Variants in DOCK1 observed in about 807,000 individuals in gnomAD.
The protein encoded by DOCK1 is dedicator of cytokinesis 1.
In DOCK1, 138 loss-of-function variants were observed where a neutral mutation model predicts 262.7. That is an observed-to-expected ratio of 0.53 (90% CI 0.46 to 0.61). The LOEUF is 0.61. Ranked by LOEUF, DOCK1 falls within the 20% of genes least tolerant of loss-of-function variation. The probability of loss-of-function intolerance (pLI) is 0.00; values close to 1 mark genes in which losing one functional copy is unlikely to be tolerated. For missense variants in DOCK1, 1,908 were observed against 2,370.7 expected (o/e 0.80, Z 4.05); for synonymous variants, 866 against 867.4 (o/e 1.00, Z 0.03).
At chr10:127,215,878 G>A (rs1212394818) in intron 27 of DOCK1, among the ~76,000 whole-genome samples, 2 of 147,898 alleles carry the variant, frequency 1.4e-5, no homozygotes, top group Non-Finnish European at 3.0e-5. Flanking sequence ...AATAATCCCT[G>A]CAGTGAAACA....
At chr10:127,080,377 C>A (rs2136004400) in intron 23 of DOCK1, among the ~76,000 whole-genome samples, 1 of 152,230 alleles carries the variant, frequency 6.6e-6, no homozygotes, top group South Asian at 2.1e-4. Flanking sequence ...GGAAATTTAT[C>A]ATTCTTCAGA....
At chr10:126,964,499 T>C (rs960935639) in intron 1 of DOCK1, among the ~76,000 whole-genome samples, 1 of 152,222 alleles carries the variant, frequency 6.6e-6, no homozygotes, top group African/African-American at 2.4e-5. Context: ...GGACGTGGCC[T>C]TTGTTTTCCC....
chr10:127,174,314 G>T (rs1441183571), intron 27 of DOCK1, among the ~76,000 whole-genome samples: 1 of 152,168 alleles, frequency 6.6e-6, no homozygotes, highest in Non-Finnish European at 1.5e-5. Flanking sequence ...ATGGGCAAGA[G>T]AGGTCTCGGC....
chr10:127,406,091 G>A (rs180957760), intron 40 of DOCK1, among the ~76,000 whole-genome samples: 263 of 152,260 alleles, frequency 1.7e-3, no homozygotes, highest in Non-Finnish European at 2.7e-3. Flanking sequence ...TTAGGAAAGG[G>A]AGGCAGGTGG....
At chr10:126,979,089 G>C (rs1207891432) in intron 3 of DOCK1, among the ~76,000 whole-genome samples, 2 of 152,122 alleles carry the variant, frequency 1.3e-5, no homozygotes, top group South Asian at 2.1e-4. Context: ...GCCAACCTCA[G>C]ACTGGGCTAC....
intron 40 of DOCK1, among the ~76,000 whole-genome samples, chr10:127,407,657 CTCTG>C (rs1008918184): frequency 1.3e-5 from 2 of 152,158 alleles, no homozygotes; most frequent in Non-Finnish European, 2.9e-5. Context: ...ATGCTGTCCT[CTCTG>C]TCTGTCTCTG....
chr10:127,034,292 CAG>C (rs142654902), intron 18 of DOCK1, among the ~76,000 whole-genome samples: 28 of 151,770 alleles, frequency 1.8e-4, no homozygotes, highest in Non-Finnish European at 4.0e-4. Flanking sequence ...TGGCCGCAGG[CAG>C]AGAGAGAGAG....
intron 12 of DOCK1, chr10:127,016,113 G>A (rs576348085): frequency 5.2e-5 from 8 of 152,400 alleles, no homozygotes; most frequent in African/African-American, 1.9e-4. Flanking sequence ...AGACCATGGA[G>A]TTAGTGTTTG....
In DOCK1 at chr10:126,918,902, A is replaced by AGGAGGAGAAAGTCAAGGTG. The variant is rs1473192262; in HGVS notation, c.46+13339_46+13340insGGAGGAGAAAGTCAAGGTG. 3.8e-4 allele frequency among the ~76,000 whole-genome samples: 40 copies of AGGAGGAGAAAGTCAAGGTG among 104,616 alleles called. No individual in the cohort carries two copies. In the East Asian group the frequency reaches 6.6e-3, roughly 17 times the overall value. The allele number at this position is 104,616 out of a possible 152,430, so 68.6% of individuals were successfully genotyped here. A position where few individuals can be genotyped will look rare whatever the true frequency, so the allele number is the denominator to read the frequency against. On this transcript the variant is annotated intron_variant, in intron 1 of 51. Coordinates refer to ENST00000623213, the MANE Select transcript of DOCK1 (RefSeq NM_001290223.2). Reference sequence around the variant, plus strand: ...GTGCAGGTGGGCACGGAGGATTCGGACAGGTGGGCACGGAGGATTTGGAGG... The same window carrying AGGAGGAGAAAGTCAAGGTG: ...GTGCAGGTGGGCACGGAGGATTCGGAGGAGGAGAAAGTCAAGGTGCAGGTGGGCACGGAGGATTTGGAGG...
At chr10:126,938,290 C>T (rs952681763) in intron 1 of DOCK1, among the ~76,000 whole-genome samples, 12 of 152,274 alleles carry the variant, frequency 7.9e-5, no homozygotes, top group East Asian at 3.9e-4. Context: ...TCAGGTGATC[C>T]GCCCGCCTCA....
intron 37 of DOCK1, among the ~76,000 whole-genome samples, chr10:127,384,044 A>G (rs877748): frequency 0.75 from 114,188 of 152,124 alleles, 43,014 homozygotes; most frequent in African/African-American, 0.82. Flanking sequence ...CCATCCTGGG[A>G]GTCAGGCATC....
At chr10:126,934,740 T>C (rs2134204559) in intron 1 of DOCK1, among the ~76,000 whole-genome samples, 1 of 149,392 alleles carries the variant, frequency 6.7e-6, no homozygotes, top group East Asian at 2.0e-4. Flanking sequence ...CTATTTGGAA[T>C]TTACGAGTTT....
At chr10:127,221,657 A>G (rs1367715730) in intron 27 of DOCK1, among the ~76,000 whole-genome samples, 1 of 152,212 alleles carries the variant, frequency 6.6e-6, no homozygotes, top group Non-Finnish European at 1.5e-5. Context: ...CAAAAAGTGC[A>G]TCAACGCTCA....
chr10:127,144,274 G>A (rs2051571530), intron 27 of DOCK1, among the ~76,000 whole-genome samples: 2 of 152,076 alleles, frequency 1.3e-5, no homozygotes, highest in South Asian at 4.1e-4. Context: ...TCTTTCTGTG[G>A]ATTTTCTAGA....
At chr10:126,958,518 C>T (rs1446287940) in intron 1 of DOCK1, among the ~76,000 whole-genome samples, 7 of 152,024 alleles carry the variant, frequency 4.6e-5, no homozygotes, top group East Asian at 1.9e-4. Flanking sequence ...AGAAGGTGAT[C>T]GAGAGGTGAT....
At chr10:127,150,898 T>C (rs1253814113) in intron 27 of DOCK1, among the ~76,000 whole-genome samples, 1 of 152,182 alleles carries the variant, frequency 6.6e-6, no homozygotes, top group East Asian at 1.9e-4. Context: ...GAAACTGTAG[T>C]GGGGGTGCCA....
At chr10:127,302,739 GGGGT>G (rs369520538) in intron 29 of DOCK1, among the ~76,000 whole-genome samples, 15,162 of 124,256 alleles carry the variant, frequency 0.12, 759 homozygotes, top group Middle Eastern at 0.18. Context: ...TGGAAAAGAG[GGGGT>G]GTGTGTGTGT....
rs745351794 is a variant in DOCK1 at position 127,023,269 on chromosome 10, C to T, written c.1397C>T (p.Ala466Val). 2.5e-6 allele frequency: 4 copies of T among 1,613,762 alleles called. No homozygotes were observed. The highest frequency in any genetic ancestry group is 1.7e-5 in the Admixed American group (1 of 59,994). Reference sequence around the variant, plus strand: ...TTTGATAAAGGAAGCAAAACAACAGCGAAGAACGTGGAGGTCACGGTGTCT... The same window carrying T: ...TTTGATAAAGGAAGCAAAACAACAGTGAAGAACGTGGAGGTCACGGTGTCT... Reference protein sequence around the residue: ...GDFDKGSKTTAKNVEVTVSVY... With the variant: ...GDFDKGSKTTVKNVEVTVSVY... Residue 466 changes from alanine to valine, a missense_variant, in exon 14 of 52, where the codon GCG (alanine) becomes GTG (valine). Transcript: ENST00000623213.
At chr10:127,265,829 G>A (rs969224114) in intron 29 of DOCK1, among the ~76,000 whole-genome samples, 4 of 152,252 alleles carry the variant, frequency 2.6e-5, no homozygotes, top group Admixed American at 2.0e-4. Flanking sequence ...ACAGGAAAGG[G>A]CCTTAAGCCC....
Sources: allele counts gnomAD v4.1 joint callset (sites outside exome capture counted in the v4.1 genomes callset), GRCh38; gene constraint gnomAD v4.1.1; transcripts MANE v1.5; gene names NCBI Gene and HGNC (gene_info 2026-07-23, HGNC 2026-07-21).